Variants in CEP43 observed in about 807,000 individuals in gnomAD.
CEP43 encodes centrosomal protein 43, also known as FGFR1 oncogene partner.
CEP43 carries 36 observed loss-of-function variants against 52.6 expected under a neutral mutation model. The observed-to-expected ratio is 0.68, with a 90% CI of 0.52 to 0.90. CEP43 has a LOEUF of 0.90. CEP43 is among the 40% of genes least tolerant of loss of function. CEP43 has a pLI of 0.00. For missense variants in CEP43, 506 were observed against 472.8 expected (o/e 1.07, Z -0.65); for synonymous variants, 192 against 172.4 (o/e 1.11, Z -0.89).
intron 6 of CEP43, among the ~76,000 whole-genome samples, chr6:167,012,555 T>C (rs1415740086): frequency 6.6e-6 from 1 of 152,172 alleles, no homozygotes; most frequent in African/African-American, 2.4e-5. Context: ...TACTTATCAG[T>C]ACCTATAGCA....
rs997120001 is a variant in CEP43 at position 167,047,202 on chromosome 6, T to C, written c.*7224T>C. 2 of 152,224 alleles carry C rather than the reference T, an allele frequency of 1.3e-5. No homozygotes were observed. The highest frequency in any genetic ancestry group is 4.8e-5 in the African/African-American group (2 of 41,444). The allele number at this position is 152,224 out of a possible 1,614,324, so 9.4% of individuals were successfully genotyped here. On this transcript the variant is annotated 3_prime_UTR_variant, in exon 13 of 13. Transcript: ENST00000366847. ...ATGGGCTGATGGGGTCTGCCCATGA[T>C]TGGCAGCCTTCATAGAATCACGAGG... is the stretch of plus-strand genomic sequence containing the variant.
chr6:167,027,905 C>T (rs780771195), intron 10 of CEP43: 39 of 985,596 alleles, frequency 4.0e-5, no homozygotes, highest in Non-Finnish European at 4.2e-5. Context: ...ATTCTTGTTC[C>T]GCACAGTGCC....
chr6:167,040,084 G>A lies in CEP43; in HGVS notation c.*106G>A. ...GCTGGAATGTCTGCTCTCTATTGGT[G>A]CCTTGCATTTCAAAAACACTGCAGA... On this transcript the variant is annotated 3_prime_UTR_variant, in exon 13 of 13. Transcript: ENST00000366847. The A allele has an allele frequency of 6.2e-7, 1 of 1,608,214 alleles. No individual in the cohort carries two copies. The highest frequency in any genetic ancestry group is 8.5e-7 in the Non-Finnish European group (1 of 1,177,132).
intron 7 of CEP43, among the ~76,000 whole-genome samples, chr6:167,014,108 A>G (rs1229746608): frequency 1.3e-5 from 2 of 152,238 alleles, no homozygotes; most frequent in East Asian, 3.8e-4. Context: ...TGTGTTGGCA[A>G]TTAGAGTTGA....
At position 167,031,122 on chromosome 6, in the gene CEP43, A is replaced by G. The variant is rs557297330; in HGVS notation, c.989-1481A>G. Reference sequence around the variant, plus strand: ...TTTTAATTTTTGAGGGGGTCTTGCAATGTTGCCCAGGCTGGTCTCAAACTC... The same window carrying G: ...TTTTAATTTTTGAGGGGGTCTTGCAGTGTTGCCCAGGCTGGTCTCAAACTC... On this transcript the variant is annotated intron_variant, in intron 10 of 12. Coordinates refer to ENST00000366847, the MANE Select transcript of CEP43 (RefSeq NM_007045.4). Among the ~76,000 whole-genome samples, 166 of 152,294 alleles carry G rather than the reference A, an allele frequency of 1.1e-3. 5 individuals are homozygous for G. The South Asian group carries it at 0.033, about 30-fold the overall frequency.
intron 10 of CEP43, among the ~76,000 whole-genome samples, chr6:167,027,680 C>G (rs1157623816): frequency 6.6e-6 from 1 of 152,066 alleles, no homozygotes; most frequent in Non-Finnish European, 1.5e-5. Context: ...TGATGGGTAG[C>G]GTAGGGAGAT....
At position 167,052,334 on chromosome 6, in the gene CEP43, G is replaced by A. The variant is rs973170144; in HGVS notation, c.*12356G>A. ...TTTTTTAAAGAACCTGAGACTGGAA[G>A]TGAGGGAAATAGGGCGTGCAGGAAG... On this transcript the variant is annotated 3_prime_UTR_variant, in exon 13 of 13. Coordinates refer to ENST00000366847, the MANE Select transcript of CEP43 (RefSeq NM_007045.4). The A allele has an allele frequency of 3.9e-5, 6 of 152,152 alleles. No individual in the cohort carries two copies. Among genetic ancestry groups the A allele is most frequent in the African/African-American group, 1.4e-4 (6 of 41,428 alleles). 9.4% of individuals were successfully genotyped at this position (152,152 alleles called of 1,614,324 possible).
rs111755031 is a variant in CEP43 at position 167,033,984 on chromosome 6, G to A, written c.1125+13G>A. The A allele has an allele frequency of 1.5e-6, 2 of 1,312,602 alleles. No homozygotes were observed. Among genetic ancestry groups the A allele is most frequent in the Non-Finnish European group, 2.1e-6 (2 of 942,040 alleles). 81.3% of individuals were successfully genotyped at this position (1,312,602 alleles called of 1,614,324 possible). On this transcript the variant is annotated intron_variant, in intron 12 of 12. Transcript: ENST00000366847. Reference sequence around the variant, plus strand: ...TACCAGTGATAAGGTATGGTGTTCTGCATTTCCCATAGAGTGCTTTTTTTT... The same window carrying A: ...TACCAGTGATAAGGTATGGTGTTCTACATTTCCCATAGAGTGCTTTTTTTT...
chr6:167,048,818 A>G lies in CEP43; in HGVS notation c.*8840A>G, dbSNP rs927133496. On this transcript the variant is annotated 3_prime_UTR_variant, in exon 13 of 13. Transcript: ENST00000366847. ...ATGTCATTGAAAGAGCATGTACATC[A>G]CTAAATGTTCTTAGTCACTGAAAGT... 1 of 152,258 alleles carries G rather than the reference A, an allele frequency of 6.6e-6. No homozygotes were observed. Among genetic ancestry groups the G allele is most frequent in the African/African-American group, 2.4e-5 (1 of 41,468 alleles). 9.4% of individuals were successfully genotyped at this position (152,258 alleles called of 1,614,324 possible). A position where few individuals can be genotyped will look rare whatever the true frequency, so the allele number is the denominator to read the frequency against.
Position 167,035,440 on chromosome 6 carries a change from G to A in CEP43, c.1125+1469G>A, listed in dbSNP as rs562355745. Among the ~76,000 whole-genome samples, 75 of 152,306 alleles carry A rather than the reference G, an allele frequency of 4.9e-4. 1 individual carries two copies. Among genetic ancestry groups the A allele is most frequent in the Non-Finnish European group, 9.6e-4 (65 of 68,024 alleles). On this transcript the variant is annotated intron_variant, in intron 12 of 12. Coordinates refer to ENST00000366847, the MANE Select transcript of CEP43 (RefSeq NM_007045.4). Reference sequence around the variant, plus strand: ...ACTATTTAGAGAGCACAGGGCTGGGGATGTGGGGGTGTGAGGAAGGAGATA... The same window carrying A: ...ACTATTTAGAGAGCACAGGGCTGGGAATGTGGGGGTGTGAGGAAGGAGATA...
At chr6:167,006,919 T>C (rs1278829447) in intron 5 of CEP43, among the ~76,000 whole-genome samples, 1 of 152,218 alleles carries the variant, frequency 6.6e-6, no homozygotes, top group Admixed American at 6.5e-5. Flanking sequence ...AAAAACTTAC[T>C]TTCTTCTCTT....
intron 2 of CEP43, among the ~76,000 whole-genome samples, chr6:167,002,013 CTTTTA>C (rs764249020): frequency 6.1e-4 from 93 of 152,248 alleles, no homozygotes; most frequent in South Asian, 5.0e-3. Context: ...CTCTCCTTGT[CTTTTA>C]TTTTAACAAC....
chr6:167,036,022 A>G, intron 12 of CEP43: 8 of 978,770 alleles, frequency 8.2e-6, no homozygotes, highest in Non-Finnish European at 9.7e-6. Context: ...CATTGTAGTC[A>G]CAATAGACAT....
At chr6:167,021,086 A>G (rs1222042305) in intron 7 of CEP43, among the ~76,000 whole-genome samples, 4 of 143,590 alleles carry the variant, frequency 2.8e-5, no homozygotes, top group East Asian at 2.1e-4. Context: ...AAAAAAAAAA[A>G]GAAAAAAAAA....
At chr6:167,035,347 A>G (rs1780561280) in intron 12 of CEP43, among the ~76,000 whole-genome samples, 1 of 152,060 alleles carries the variant, frequency 6.6e-6, no homozygotes, top group African/African-American at 2.4e-5. Context: ...TCTTTGCAGT[A>G]AGAATACAGC....
Position 167,044,501 on chromosome 6 carries a change from C to G in CEP43, c.*4523C>G. On this transcript the variant is annotated 3_prime_UTR_variant, in exon 13 of 13. Coordinates refer to ENST00000366847, the MANE Select transcript of CEP43 (RefSeq NM_007045.4). ...GAGGAAGTCAGATTGGAAAAGTGTC[C>G]TCAGGTTCAAGGAAACCTGGGTGTG... is the stretch of plus-strand genomic sequence containing the variant. The G allele has an allele frequency of 1.0e-6, 1 of 985,360 alleles. No individual in the cohort carries two copies. The highest frequency in any genetic ancestry group is 1.2e-6 in the Non-Finnish European group (1 of 829,914). The allele number at this position is 985,360 out of a possible 1,614,324, so 61.0% of individuals were successfully genotyped here. A position where few individuals can be genotyped will look rare whatever the true frequency, so the allele number is the denominator to read the frequency against.
intron 5 of CEP43, among the ~76,000 whole-genome samples, chr6:167,006,042 C>T (rs1401401536): frequency 2.6e-5 from 4 of 152,198 alleles, no homozygotes; most frequent in Admixed American, 2.6e-4. Flanking sequence ...TGCAGTCACT[C>T]AGCCTCCGTG....
chr6:167,050,502 CGTG>C lies in CEP43; in HGVS notation c.*10529_*10531del, dbSNP rs1430088994. 6.6e-6 allele frequency: 1 copy of C among 152,144 alleles called. No individual in the cohort carries two copies. Among genetic ancestry groups the C allele is most frequent in the Non-Finnish European group, 1.5e-5 (1 of 68,066 alleles). 9.4% of individuals were successfully genotyped at this position (152,144 alleles called of 1,614,324 possible). The stretch of plus-strand genomic sequence containing the variant: ...CATTGAAAATGGGGCATTGGCCAGG[CGTG>C]GTGGCTCACGCCTGTAATCCCAGCA... On this transcript the variant is annotated 3_prime_UTR_variant, in exon 13 of 13. Coordinates refer to ENST00000366847, the MANE Select transcript of CEP43 (RefSeq NM_007045.4).
intron 10 of CEP43, among the ~76,000 whole-genome samples, chr6:167,031,530 TCTAA>T (rs1388183603): frequency 6.6e-6 from 1 of 152,220 alleles, no homozygotes. Flanking sequence ...AATTACATTG[TCTAA>T]CTGTCTGGAC....
Sources: gnomAD v4.1 joint callset for allele counts (sites outside exome capture counted in the v4.1 genomes callset) on GRCh38, gnomAD v4.1.1 for gene constraint, MANE v1.5 for transcripts, NCBI Gene and HGNC (gene_info 2026-07-23, HGNC 2026-07-21) for gene names.